Variants in PHKB observed in about 807,000 individuals in gnomAD.
PHKB encodes the protein phosphorylase kinase regulatory subunit beta, also known as phosphorylase b kinase regulatory subunit beta.
A neutral mutation model predicts 152.1 loss-of-function variants in PHKB; 122 were observed. The observed-to-expected ratio is 0.80, with a 90% CI of 0.69 to 0.93. The LOEUF (loss-of-function observed/expected upper bound fraction) is 0.93, where lower values mean the gene tolerates loss of function less well. Ranked by LOEUF, PHKB falls within the 40% of genes least tolerant of loss-of-function variation. PHKB has a pLI of 0.00. For missense variants in PHKB, 1,304 were observed against 1,328.4 expected, an observed-to-expected ratio of 0.98 and a Z score of 0.29; for synonymous variants, 436 against 464.9, an observed-to-expected ratio of 0.94 and a Z score of 0.80.
intron 20 of PHKB, among the ~76,000 whole-genome samples, chr16:47,654,244 A>G (rs574193027): frequency 5.4e-4 from 82 of 152,228 alleles, no homozygotes; most frequent in Non-Finnish European, 9.8e-4. Flanking sequence ...CATCAAAACC[A>G]CAAAGAGATA....
intron 6 of PHKB, among the ~76,000 whole-genome samples, chr16:47,540,026 C>A (rs1335717402): frequency 6.6e-6 from 1 of 152,152 alleles, no homozygotes; most frequent in Non-Finnish European, 1.5e-5. Flanking sequence ...TTACTTCTTG[C>A]AGAGAGCCTA....
At chr16:47,482,384 A>G (rs964108933) in intron 1 of PHKB, among the ~76,000 whole-genome samples, 1 of 152,230 alleles carries the variant, frequency 6.6e-6, no homozygotes, top group African/African-American at 2.4e-5. Flanking sequence ...TTTTATTTAC[A>G]GTCAGCTTAC....
At chr16:47,628,193 A>C (rs1422420121) in intron 14 of PHKB, among the ~76,000 whole-genome samples, 3 of 152,192 alleles carry the variant, frequency 2.0e-5, no homozygotes, top group Non-Finnish European at 2.9e-5. Flanking sequence ...AGACCTATGT[A>C]AGCCAGACAC....
intron 1 of PHKB, among the ~76,000 whole-genome samples, chr16:47,483,555 G>A (rs570468001): frequency 6.6e-6 from 1 of 152,278 alleles, no homozygotes; most frequent in Admixed American, 6.5e-5. Context: ...TCTCTATAAA[G>A]TGATCCACTT....
intron 14 of PHKB, among the ~76,000 whole-genome samples, chr16:47,627,644 A>C (rs1270889429): frequency 6.6e-6 from 1 of 152,236 alleles, no homozygotes; most frequent in Non-Finnish European, 1.5e-5. Flanking sequence ...AAATACACAG[A>C]GCCTAAAGGA....
chr16:47,692,641 T>C (rs1974081804), intron 27 of PHKB, among the ~76,000 whole-genome samples: 1 of 151,944 alleles, frequency 6.6e-6, no homozygotes, highest in Non-Finnish European at 1.5e-5. Context: ...AATAAATAAA[T>C]AAATAAATGT....
intron 1 of PHKB, among the ~76,000 whole-genome samples, chr16:47,461,810 A>G (rs1969565704): frequency 6.6e-6 from 1 of 152,210 alleles, no homozygotes; most frequent in African/African-American, 2.4e-5. Context: ...CAGATAGCTT[A>G]ATCAGACCAA....
intron 2 of PHKB, among the ~76,000 whole-genome samples, chr16:47,499,031 T>C (rs1391812808): frequency 6.6e-6 from 1 of 152,256 alleles, no homozygotes; most frequent in Non-Finnish European, 1.5e-5. Flanking sequence ...GTGTTTGTGT[T>C]TTCCTATTTT....
intron 2 of PHKB, among the ~76,000 whole-genome samples, chr16:47,499,271 G>A (rs1597032879): frequency 6.6e-6 from 1 of 152,166 alleles, no homozygotes; most frequent in East Asian, 1.9e-4. Flanking sequence ...AGCCTGTTCT[G>A]TGATCTTCCC....
chr16:47,686,768 C>CT (rs762452815), intron 26 of PHKB, among the ~76,000 whole-genome samples: 155 of 152,072 alleles, frequency 1.0e-3, no homozygotes, highest in Non-Finnish European at 2.0e-3. Flanking sequence ...CTATAGTATA[C>CT]TATGAAGCAA....
intron 5 of PHKB, among the ~76,000 whole-genome samples, chr16:47,514,549 C>G (rs912156667): frequency 5.3e-5 from 8 of 152,180 alleles, no homozygotes; most frequent in African/African-American, 1.9e-4. Context: ...TGGGTGGCCC[C>G]CAGTCAATTG....
chr16:47,669,835 A>G (rs1378976525), intron 26 of PHKB, among the ~76,000 whole-genome samples: 1 of 152,178 alleles, frequency 6.6e-6, no homozygotes. Context: ...TTCTATACCC[A>G]TTTTCTACTG....
At chr16:47,693,648 A>G (rs773016645) in intron 28 of PHKB, 141 bp downstream of exon 28, 66 of 973,286 alleles carry the variant, frequency 6.8e-5, no homozygotes, top group Non-Finnish European at 8.9e-5. Flanking sequence ...CTAGAAAATA[A>G]GACATCTAAT....
intron 26 of PHKB, among the ~76,000 whole-genome samples, chr16:47,685,745 CTT>C (rs543342166): frequency 1.1e-4 from 15 of 139,500 alleles, no homozygotes; most frequent in Non-Finnish European, 9.4e-5. Flanking sequence ...TTTTCTTTTT[CTT>C]TTTTTTTTTT....
Position 47,526,010 on chromosome 16 carries a change from A to G in PHKB, c.594+10409A>G, listed in dbSNP as rs184537073. On this transcript the variant is annotated intron_variant, in intron 6 of 30. Coordinates refer to ENST00000323584, the MANE Select transcript of PHKB (RefSeq NM_000293.3). ...CCTGGGGCAGTTAGGGTAGATACAT[A>G]ATGGTCCAGTGTGAGAGCTAATCCG... Among the ~76,000 whole-genome samples, 242 of 152,208 alleles carry G rather than the reference A, an allele frequency of 1.6e-3. 1 individual carries two copies. Among genetic ancestry groups the G allele is most frequent in the Non-Finnish European group, 2.9e-3 (197 of 68,014 alleles).
rs760569328 is a variant in PHKB at position 47,665,952 on chromosome 16, C to T, written c.2427+977C>T. ...CTTCTTTGCCCCCAGGTCGGTTGTA[C>T]GCCGTGCAGCAAGTCTTTTAAGTAA... On this transcript the variant is annotated intron_variant, in intron 25 of 30. Coordinates refer to ENST00000323584, the MANE Select transcript of PHKB (RefSeq NM_000293.3). 3.3e-5 allele frequency: 53 copies of T among 1,613,338 alleles called. No homozygotes were observed. The highest frequency in any genetic ancestry group is 1.1e-4 in the South Asian group (10 of 91,084).
At chr16:47,463,804 A>C (rs1969618432) in intron 1 of PHKB, 11 of 787,070 alleles carry the variant, frequency 1.4e-5, no homozygotes, top group South Asian at 1.3e-4. Context: ...CCTTTGTTGC[A>C]TACTGCATCA....
intron 1 of PHKB, among the ~76,000 whole-genome samples, chr16:47,490,193 A>G (rs1033487590): frequency 1.3e-5 from 2 of 152,126 alleles, no homozygotes; most frequent in Admixed American, 6.5e-5. Flanking sequence ...CTTTATTCCA[A>G]TATTACAATC....
At chr16:47,583,295 C>T (rs2151694445) in intron 8 of PHKB, among the ~76,000 whole-genome samples, 1 of 152,246 alleles carries the variant, frequency 6.6e-6, no homozygotes. Context: ...AATAATGTGC[C>T]TGCTAAACAG....
Sources: gnomAD v4.1 joint callset for allele counts (sites outside exome capture counted in the v4.1 genomes callset) on GRCh38, gnomAD v4.1.1 for gene constraint, MANE v1.5 for transcripts, NCBI Gene and HGNC (gene_info 2026-07-23, HGNC 2026-07-21) for gene names.